The following ACOT11 variants were observed in gnomAD, a reference collection of about 807,000 sequenced individuals.
ACOT11 encodes the protein acyl-coenzyme A thioesterase 11.
ACOT11 carries 69 observed loss-of-function variants against 77.5 expected under a neutral mutation model. The ratio of observed to expected loss-of-function variants is 0.89; its 90% confidence interval spans 0.73 to 1.09. ACOT11 has a LOEUF of 1.09. Ranked by LOEUF, ACOT11 falls within the 50% of genes least tolerant of loss-of-function variation. The pLI is 0.00. For missense variants in ACOT11, 766 were observed against 813.7 expected (o/e 0.94, Z 0.71); for synonymous variants, 279 against 313.0 (o/e 0.89, Z 1.15).
In ACOT11 at chr1:54,610,204, T is replaced by A; in HGVS notation, c.*1092T>A. The A allele has an allele frequency of 1.4e-6, 2 of 1,435,454 alleles. No homozygotes were observed. The highest frequency in any genetic ancestry group is 2.9e-5 in the Admixed American group (1 of 34,856). The allele number at this position is 1,435,454 out of a possible 1,614,324, so 88.9% of individuals were successfully genotyped here. ...CCGGCCTTGCCTGCAGCAATGTAGCTGAGGACTGGTCTGAAGGCCAGGAGC... is the reference window on the plus strand; with the variant it reads ...CCGGCCTTGCCTGCAGCAATGTAGCAGAGGACTGGTCTGAAGGCCAGGAGC... On this transcript the variant is annotated 3_prime_UTR_variant, in exon 16 of 16. Coordinates refer to ENST00000343744, the MANE Select transcript of ACOT11 (RefSeq NM_147161.4).
intron 3 of ACOT11, among the ~76,000 whole-genome samples, chr1:54,589,941 C>T (rs1243892187): frequency 2.0e-5 from 3 of 151,966 alleles, no homozygotes; most frequent in Non-Finnish European, 4.4e-5. Flanking sequence ...ACAAAAAATT[C>T]GCCGGGCATG....
intron 1 of ACOT11, among the ~76,000 whole-genome samples, chr1:54,568,972 A>C (rs928947918): frequency 1.3e-5 from 2 of 151,350 alleles, no homozygotes. Context: ...TTAGCTGGGC[A>C]TGGTGGCACC....
chr1:54,594,927 C>A (rs914175430), intron 6 of ACOT11, among the ~76,000 whole-genome samples: 6 of 152,212 alleles, frequency 3.9e-5, no homozygotes, highest in Non-Finnish European at 7.3e-5. Flanking sequence ...ATGTGGAAAT[C>A]CCTTTGTTGG....
intron 15 of ACOT11, among the ~76,000 whole-genome samples, chr1:54,623,053 G>A (rs1287179425): frequency 1.3e-5 from 2 of 152,072 alleles, no homozygotes; most frequent in East Asian, 1.9e-4. Context: ...GCGGGTGCCT[G>A]TAATCCCAGC....
downstream of ACOT11, among the ~76,000 whole-genome samples, chr1:54,612,178 A>G (rs544779803): frequency 3.9e-5 from 6 of 151,956 alleles, no homozygotes; most frequent in East Asian, 1.2e-3. Context: ...TAAAGGCACA[A>G]TCTGTGTAGC....
downstream of ACOT11, chr1:54,611,750 G>A: frequency 6.2e-7 from 1 of 1,613,990 alleles, no homozygotes; most frequent in Non-Finnish European, 8.5e-7. Flanking sequence ...CTGTACCTGG[G>A]GACACGAGAG....
chr1:54,577,075 A>G (rs1248582119), intron 1 of ACOT11, among the ~76,000 whole-genome samples: 1 of 152,246 alleles, frequency 6.6e-6, no homozygotes, highest in Admixed American at 6.5e-5. Flanking sequence ...TTTAATTTAA[A>G]TTAGCAGATT....
chr1:54,569,143 G>A (rs999614941), intron 1 of ACOT11, among the ~76,000 whole-genome samples: 1 of 119,718 alleles, frequency 8.4e-6, no homozygotes, highest in African/African-American at 3.2e-5. Flanking sequence ...TTTTTTTTTT[G>A]TAGAGATGGG....
At position 54,584,679 on chromosome 1, in the gene ACOT11, C is replaced by T. The variant is rs757799322; in HGVS notation, c.58C>T (p.Arg20Cys). 2.0e-5 allele frequency: 32 copies of T among 1,614,154 alleles called. No individual in the cohort carries two copies. The highest frequency in any genetic ancestry group is 7.7e-5 in the South Asian group (7 of 91,080). ...GGGCTTGGCCTCTGTGTTCTCCAACCGCACATCCCGGAAGTCAGCCTTACG... is the reference window on the plus strand; with the variant it reads ...GGGCTTGGCCTCTGTGTTCTCCAACTGCACATCCCGGAAGTCAGCCTTACG... ...RRGLASVFSN[R>C]TSRKSALRAG... The change falls in exon 2 of 16, where the codon CGC (arginine) becomes TGC (cysteine). Residue 20 changes from arginine (R) to cysteine (C), a missense_variant. Transcript: ENST00000343744. This position sits in a 1 kb window ranked among gnomAD's most constrained non-coding sequence, Gnocchi z 6.3.
At chr1:54,596,968 G>A (rs1643894640) in intron 6 of ACOT11, among the ~76,000 whole-genome samples, 1 of 152,186 alleles carries the variant, frequency 6.6e-6, no homozygotes, top group African/African-American at 2.4e-5. Context: ...TGAGGCAACC[G>A]AGGCTCAGAG....
At chr1:54,631,747 C>A (rs1348645472) in intron 16 of ACOT11, among the ~76,000 whole-genome samples, 1 of 152,072 alleles carries the variant, frequency 6.6e-6, no homozygotes, top group Admixed American at 6.6e-5. Flanking sequence ...ACCAAGGGAA[C>A]CATAGGTTGA....
intron 1 of ACOT11, among the ~76,000 whole-genome samples, chr1:54,572,068 G>C (rs530318975): frequency 3.3e-5 from 5 of 152,042 alleles, no homozygotes; most frequent in Non-Finnish European, 5.9e-5. Flanking sequence ...GGTGCACAGT[G>C]GGGGAGGTCT....
At chr1:54,621,784 A>G (rs1644232097) in intron 15 of ACOT11, 2 of 152,304 alleles carry the variant, frequency 1.3e-5, no homozygotes, top group South Asian at 4.1e-4. Flanking sequence ...CATGGTGGCT[A>G]CTCCAGGTAC....
chr1:54,601,939 C>A (rs1643969470), intron 9 of ACOT11, among the ~76,000 whole-genome samples: 2 of 152,258 alleles, frequency 1.3e-5, no homozygotes, highest in Admixed American at 6.5e-5. Flanking sequence ...TCCTCTCTTA[C>A]AAAATGCTCC....
chr1:54,609,230 T>C lies in ACOT11; in HGVS notation c.*118T>C. 1 of 1,591,714 alleles carries C rather than the reference T, an allele frequency of 6.3e-7. No individual in the cohort carries two copies. The highest frequency in any genetic ancestry group is 8.6e-7 in the Non-Finnish European group (1 of 1,167,542). On this transcript the variant is annotated 3_prime_UTR_variant, in exon 16 of 16. Transcript: ENST00000343744. ...TCTTCCTGCCTCCCCGTGGGAAGCCTCCGCCCTGAGGTCCGCTGGCCCACC... is the reference window on the plus strand; with the variant it reads ...TCTTCCTGCCTCCCCGTGGGAAGCCCCCGCCCTGAGGTCCGCTGGCCCACC...
At chr1:54,618,791 C>T (rs1439892643) in intron 15 of ACOT11, among the ~76,000 whole-genome samples, 2 of 152,278 alleles carry the variant, frequency 1.3e-5, no homozygotes, top group South Asian at 2.1e-4. Context: ...TGCTAGCTTC[C>T]AGTCCCCACC....
At chr1:54,558,823 G>A (rs889442115) in intron 1 of ACOT11, among the ~76,000 whole-genome samples, 1 of 152,174 alleles carries the variant, frequency 6.6e-6, no homozygotes, top group Non-Finnish European at 1.5e-5. Context: ...GCTTTCGAGC[G>A]CTGTGGGTCA....
At chr1:54,578,960 A>G (rs1654207155) in intron 1 of ACOT11, among the ~76,000 whole-genome samples, 1 of 152,216 alleles carries the variant, frequency 6.6e-6, no homozygotes, top group African/African-American at 2.4e-5. Flanking sequence ...GATGCTTCAT[A>G]AAAATATTGG....
chr1:54,564,837 A>G (rs1369064874), intron 1 of ACOT11, among the ~76,000 whole-genome samples: 1 of 152,102 alleles, frequency 6.6e-6, no homozygotes, highest in Non-Finnish European at 1.5e-5. Flanking sequence ...GGTCCCTGCA[A>G]CTGGAGCCTG....
Sources: gnomAD v4.1 joint callset for allele counts (sites outside exome capture counted in the v4.1 genomes callset) on GRCh38, gnomAD v4.1.1 for gene constraint, Gnocchi (gnomAD v3.1) non-coding constraint, MANE v1.5 for transcripts, NCBI Gene and HGNC (gene_info 2026-07-23, HGNC 2026-07-21) for gene names.